Variants in MAN1A1 observed in about 807,000 individuals in gnomAD.
The protein encoded by MAN1A1 is mannosyl-oligosaccharide 1,2-alpha-mannosidase IA.
A neutral mutation model predicts 70.8 loss-of-function variants in MAN1A1; 29 were observed. The observed-to-expected ratio is 0.41, with a 90% CI of 0.31 to 0.56. The LOEUF is 0.56. Among genes scored for constraint, MAN1A1 ranks in the 20% least tolerant of loss-of-function variants. The pLI is 0.29. For synonymous variants in MAN1A1, 349 were observed against 330.1 expected (o/e 1.06, Z -0.62); for missense variants, 747 against 841.3 (o/e 0.89, Z 1.39).
At chr6:119,203,081 G>A (rs907805599) in intron 7 of MAN1A1, among the ~76,000 whole-genome samples, 1 of 152,134 alleles carries the variant, frequency 6.6e-6, no homozygotes, top group African/African-American at 2.4e-5. Context: ...CAAGCCCAGG[G>A]AAGAGGCTCA....
intron 6 of MAN1A1, among the ~76,000 whole-genome samples, chr6:119,234,717 A>C (rs539203975): frequency 6.6e-6 from 1 of 152,296 alleles, no homozygotes; most frequent in South Asian, 2.1e-4. Flanking sequence ...ACCCAGCCAC[A>C]TAATTCTACA....
intron 6 of MAN1A1, among the ~76,000 whole-genome samples, chr6:119,242,812 T>A (rs1411466161): frequency 4.6e-5 from 7 of 152,176 alleles, no homozygotes; most frequent in African/African-American, 1.7e-4. Context: ...AATAGCAGCT[T>A]TAACTATGGT....
At chr6:119,191,181 A>C (rs1773433293) in intron 9 of MAN1A1, among the ~76,000 whole-genome samples, 1 of 152,186 alleles carries the variant, frequency 6.6e-6, no homozygotes, top group Admixed American at 6.5e-5. Context: ...TTACATTAAT[A>C]TTTCATTCTT....
At chr6:119,302,337 T>G (rs893086319) in intron 3 of MAN1A1, among the ~76,000 whole-genome samples, 2 of 152,046 alleles carry the variant, frequency 1.3e-5, no homozygotes, top group African/African-American at 4.8e-5. Context: ...TAAAAATAAA[T>G]GTCTCAGAAA....
chr6:119,244,484 T>C lies in MAN1A1; in HGVS notation c.992+3776A>G, dbSNP rs370907356. 5.0e-4 allele frequency among the ~76,000 whole-genome samples: 76 copies of C among 152,232 alleles called. 3 individuals are homozygous for C. In the South Asian group the frequency reaches 0.015, roughly 30 times the overall value. ...CATTAAATCACAATTTCAGAATCTA[T>C]TGAATTAAGAATTCTTATTGGATTA... is the stretch of plus-strand genomic sequence containing the variant. On this transcript the variant is annotated intron_variant, in intron 6 of 12. Coordinates refer to ENST00000368468, the MANE Select transcript of MAN1A1 (RefSeq NM_005907.4).
At position 119,199,599 on chromosome 6, in the gene MAN1A1, T is replaced by A. The variant is rs1480320372; in HGVS notation, c.1210+1655A>T. ...TCATAAGTGAAACCAGTATCCTTTT[T>A]TAAAATGCTATTAAGAATACAATGG... is the stretch of plus-strand genomic sequence containing the variant. On this transcript the variant is annotated intron_variant, in intron 8 of 12. Transcript: ENST00000368468. Among the ~76,000 whole-genome samples the A allele has an allele frequency of 2.6e-5, 4 of 152,202 alleles. No homozygotes were observed. The East Asian group carries it at 7.7e-4, about 29-fold the overall frequency.
At chr6:119,220,461 A>T (rs1158480508) in intron 6 of MAN1A1, among the ~76,000 whole-genome samples, 1 of 152,248 alleles carries the variant, frequency 6.6e-6, no homozygotes, top group Non-Finnish European at 1.5e-5. Flanking sequence ...CAAATAAGGC[A>T]ATGCATATAA....
At chr6:119,210,221 AT>A (rs1774009906) in intron 6 of MAN1A1, among the ~76,000 whole-genome samples, 1 of 152,180 alleles carries the variant, frequency 6.6e-6, no homozygotes. Flanking sequence ...AAGATGCCAC[AT>A]TTCTCGTTCC....
At chr6:119,210,009 T>C (rs1335042332) in intron 6 of MAN1A1, among the ~76,000 whole-genome samples, 1 of 152,216 alleles carries the variant, frequency 6.6e-6, no homozygotes, top group Non-Finnish European at 1.5e-5. Flanking sequence ...AAATTAGTCA[T>C]ATCTTGCTCC....
At chr6:119,189,450 C>T (rs976009863) in intron 10 of MAN1A1, among the ~76,000 whole-genome samples, 1 of 152,076 alleles carries the variant, frequency 6.6e-6, no homozygotes, top group Non-Finnish European at 1.5e-5. Context: ...CTCTTTATGG[C>T]CTGGATTTTT....
In MAN1A1 at chr6:119,349,015, G is replaced by A; in HGVS notation, c.51C>T (p.Val17=). ...LPLFSSPAGG[V]LGGGLGGGGG... is the part of the protein sequence containing the mutation. ...CGCCGCCGCCGAGCCCCCCGCCCAG[G>A]ACGCCGCCCGCGGGGCTGCTGAAGA... is the stretch of plus-strand genomic sequence containing the variant. Residue 17 remains valine, a synonymous_variant, in exon 2 of 13, where the codon GTC becomes GTT. Transcript: ENST00000368468. The A allele has an allele frequency of 7.3e-7, 1 of 1,376,166 alleles. No individual in the cohort carries two copies. Among genetic ancestry groups the A allele is most frequent in the Non-Finnish European group, 9.4e-7 (1 of 1,060,908 alleles). The allele number at this position is 1,376,166 out of a possible 1,614,324, so 85.2% of individuals were successfully genotyped here.
In MAN1A1 at chr6:119,328,499, A is replaced by G. The variant is rs12664039; in HGVS notation, c.603+19964T>C. 3.7e-3 allele frequency among the ~76,000 whole-genome samples: 568 copies of G among 152,316 alleles called. 17 individuals carry two copies. In the East Asian group the frequency reaches 0.068, roughly 18 times the overall value. The stretch of plus-strand genomic sequence containing the variant: ...CAGTGCCTTTGTGTGTGCTGCCTTT[A>G]ACACTAAGAAAGTAGTAAGTAGGTT... On this transcript the variant is annotated intron_variant, in intron 2 of 12. Coordinates refer to ENST00000368468, the MANE Select transcript of MAN1A1 (RefSeq NM_005907.4).
At chr6:119,236,776 G>A (rs1774857985) in intron 6 of MAN1A1, among the ~76,000 whole-genome samples, 1 of 151,864 alleles carries the variant, frequency 6.6e-6, no homozygotes, top group South Asian at 2.1e-4. Context: ...ATTTCATTAG[G>A]CTATAGCTGC....
chr6:119,232,372 CAAAAAAAA>C (rs71015028), intron 6 of MAN1A1, among the ~76,000 whole-genome samples: 1 of 89,388 alleles, frequency 1.1e-5, no homozygotes, highest in Non-Finnish European at 2.1e-5. Context: ...GACTCTGTCT[CAAAAAAAA>C]AAAAAAAAAA....
chr6:119,285,593 T>A (rs748014457), intron 5 of MAN1A1, among the ~76,000 whole-genome samples: 16 of 149,620 alleles, frequency 1.1e-4, no homozygotes, highest in Non-Finnish European at 2.1e-4. Context: ...GGTATTGTGA[T>A]CACTGTTTTC....
intron 5 of MAN1A1, among the ~76,000 whole-genome samples, chr6:119,287,457 TATC>T (rs1477294777): frequency 6.6e-6 from 1 of 152,166 alleles, no homozygotes; most frequent in Non-Finnish European, 1.5e-5. Context: ...TCAATTTCAA[TATC>T]ATCTTTGCTT....
intron 5 of MAN1A1, among the ~76,000 whole-genome samples, chr6:119,290,077 C>T (rs1261430578): frequency 1.3e-5 from 2 of 151,896 alleles, no homozygotes; most frequent in Non-Finnish European, 2.9e-5. Flanking sequence ...GAGGATGATA[C>T]AAAAATCCTT....
At chr6:119,252,746 T>A (rs539026920) in intron 5 of MAN1A1, among the ~76,000 whole-genome samples, 1 of 152,084 alleles carries the variant, frequency 6.6e-6, no homozygotes, top group African/African-American at 2.4e-5. Flanking sequence ...GAGCCGAGAC[T>A]GCGTCACAGC....
chr6:119,241,785 T>C (rs949531735), intron 6 of MAN1A1, among the ~76,000 whole-genome samples: 1 of 152,172 alleles, frequency 6.6e-6, no homozygotes, highest in Admixed American at 6.6e-5. Flanking sequence ...CAATGATTCT[T>C]GACCCTAGCT....
Sources: allele counts gnomAD v4.1 joint callset (sites outside exome capture counted in the v4.1 genomes callset), GRCh38; gene constraint gnomAD v4.1.1; transcripts MANE v1.5; gene names NCBI Gene and HGNC (gene_info 2026-07-23, HGNC 2026-07-21).